The following ARHGAP24 variants were observed in gnomAD, a reference collection of about 807,000 sequenced individuals.
The protein encoded by ARHGAP24 is Rho GTPase activating protein 24.
A neutral mutation model predicts 76.4 loss-of-function variants in ARHGAP24; 50 were observed. The ratio of observed to expected loss-of-function variants is 0.65; its 90% CI spans 0.52 to 0.83. The LOEUF (loss-of-function observed/expected upper bound fraction) is 0.83, where lower values mean the gene tolerates loss of function less well. ARHGAP24 is among the 40% of genes least tolerant of loss of function. ARHGAP24 has a pLI of 0.00. For missense variants in ARHGAP24, 930 were observed against 914.2 expected (o/e 1.02, Z -0.22); for synonymous variants, 345 against 323.3 (o/e 1.07, Z -0.72).
intron 1 of ARHGAP24, among the ~76,000 whole-genome samples, chr4:85,567,874 A>AT (rs1192671422): frequency 6.6e-6 from 1 of 152,158 alleles, no homozygotes; most frequent in African/African-American, 2.4e-5. Context: ...TAGTTGTGGC[A>AT]TTTTTTCCCT....
At chr4:85,846,701 A>T (rs1456423247) in intron 3 of ARHGAP24, among the ~76,000 whole-genome samples, 2 of 152,216 alleles carry the variant, frequency 1.3e-5, no homozygotes, top group Non-Finnish European at 2.9e-5. Context: ...TACTGTTTTC[A>T]TCACCATGCC....
intron 3 of ARHGAP24, among the ~76,000 whole-genome samples, chr4:85,818,670 A>G (rs2110120950): frequency 6.6e-6 from 1 of 152,344 alleles, no homozygotes; most frequent in Admixed American, 6.5e-5. Context: ...TGCTGACCAC[A>G]ACAGTCAGGA....
chr4:85,547,987 T>C (rs1725985161), intron 1 of ARHGAP24, among the ~76,000 whole-genome samples: 1 of 152,228 alleles, frequency 6.6e-6, no homozygotes, highest in South Asian at 2.1e-4. Flanking sequence ...TATTTATTTG[T>C]TTATTTATGA....
At chr4:85,645,921 T>A (rs774392428) in intron 2 of ARHGAP24, among the ~76,000 whole-genome samples, 9 of 152,100 alleles carry the variant, frequency 5.9e-5, no homozygotes, top group Non-Finnish European at 1.3e-4. Context: ...TGATACAATA[T>A]GTATCAAATC....
chr4:85,878,438 C>A (rs1346655074), intron 3 of ARHGAP24, among the ~76,000 whole-genome samples: 2 of 152,068 alleles, frequency 1.3e-5, no homozygotes, highest in Non-Finnish European at 2.9e-5. Flanking sequence ...TTTAGTGTTA[C>A]AATTAATATC....
intron 1 of ARHGAP24, among the ~76,000 whole-genome samples, chr4:85,515,060 A>T (rs1724442501): frequency 6.6e-6 from 1 of 152,094 alleles, no homozygotes; most frequent in African/African-American, 2.4e-5. Flanking sequence ...CTGAGAGAGT[A>T]CGTAGAATAT....
chr4:85,912,881 T>A (rs1404586287), intron 3 of ARHGAP24, among the ~76,000 whole-genome samples: 1 of 152,188 alleles, frequency 6.6e-6, no homozygotes, highest in Non-Finnish European at 1.5e-5. Context: ...AATTCTTTTC[T>A]AGATGTTTTC....
rs557549510 is a variant in ARHGAP24, at chr4:85,662,417, T to G, written c.181-59468T>G. Among the ~76,000 whole-genome samples the G allele has an allele frequency of 3.3e-5, 5 of 150,952 alleles. 1 individual carries two copies. Among genetic ancestry groups the G allele is most frequent in the African/African-American group, 9.9e-5 (4 of 40,262 alleles). On this transcript the variant is annotated intron_variant, in intron 2 of 9. Transcript: ENST00000395184. ...AGTTCATTGTAGATTTTGGATATTA[T>G]CCCTTTGTCAGATGAGTTCGTTGCG... is the stretch of plus-strand genomic sequence containing the variant.
intron 2 of ARHGAP24, among the ~76,000 whole-genome samples, chr4:85,707,596 AT>A (rs1450900668): frequency 3.3e-5 from 5 of 152,046 alleles, no homozygotes; most frequent in Admixed American, 6.6e-5. Flanking sequence ...TCCCTTATAG[AT>A]TTTTTATTTT....
chr4:85,969,969 T>G (rs1356104710), intron 5 of ARHGAP24, among the ~76,000 whole-genome samples: 1 of 152,236 alleles, frequency 6.6e-6, no homozygotes, highest in African/African-American at 2.4e-5. Context: ...TTTATTTAAT[T>G]ATCAAGAAAA....
intron 2 of ARHGAP24, among the ~76,000 whole-genome samples, chr4:85,591,186 A>G (rs1728092019): frequency 6.6e-6 from 1 of 151,864 alleles, no homozygotes; most frequent in South Asian, 2.1e-4. Context: ...CTGGGACTAC[A>G]GGCATGGCGC....
intron 2 of ARHGAP24, among the ~76,000 whole-genome samples, chr4:85,680,824 A>G (rs1374038378): frequency 6.7e-6 from 1 of 150,320 alleles, no homozygotes; most frequent in African/African-American, 2.4e-5. Flanking sequence ...CACTACATAT[A>G]TCATGAGTTA....
chr4:85,638,470 A>T (rs1031420248), intron 2 of ARHGAP24, among the ~76,000 whole-genome samples: 1 of 152,148 alleles, frequency 6.6e-6, no homozygotes, highest in African/African-American at 2.4e-5. Context: ...TCCAATGGTT[A>T]TGGGAAGAGA....
intron 1 of ARHGAP24, among the ~76,000 whole-genome samples, chr4:85,513,438 A>G (rs62315598): frequency 0.017 from 2,604 of 152,152 alleles, 44 homozygotes; most frequent in Non-Finnish European, 0.028. Flanking sequence ...GTTAACCATA[A>G]TTTTTATCCT....
At chr4:85,974,009 A>ATTTTTTTTTTTT in intron 6 of ARHGAP24, among the ~76,000 whole-genome samples, 1 of 127,120 alleles carries the variant, frequency 7.9e-6, no homozygotes, top group Non-Finnish European at 1.6e-5. Context: ...AGCCTGGCTA[A>ATTTTTTTTTTTT]TTTTTTTTTT....
chr4:85,591,004 G>A lies in ARHGAP24; in HGVS notation c.180+20283G>A, dbSNP rs188150424. Among the ~76,000 whole-genome samples, 44 of 141,024 alleles carry A rather than the reference G, an allele frequency of 3.1e-4. No individual in the cohort carries two copies. The East Asian group carries it at 7.8e-3, about 25-fold the overall frequency. 92.5% of individuals were successfully genotyped at this position (141,024 alleles called of 152,430 possible). A position where few individuals can be genotyped will look rare whatever the true frequency, so the allele number is the denominator to read the frequency against. On this transcript the variant is annotated intron_variant, in intron 2 of 9. Coordinates refer to ENST00000395184, the MANE Select transcript of ARHGAP24 (RefSeq NM_001025616.3). ...AAATTATTTATAATGCCTTTCCCAT[G>A]CAGCACTAACCTGTAAAATCTGCTG...
chr4:85,592,527 A>T (rs1578062331), intron 2 of ARHGAP24, among the ~76,000 whole-genome samples: 1 of 152,230 alleles, frequency 6.6e-6, no homozygotes, highest in African/African-American at 2.4e-5. Flanking sequence ...TTTACAGTTA[A>T]ATTATTATTG....
intron 2 of ARHGAP24, among the ~76,000 whole-genome samples, chr4:85,699,465 G>A (rs1723987717): frequency 6.6e-6 from 1 of 152,044 alleles, no homozygotes; most frequent in Non-Finnish European, 1.5e-5. Context: ...AGCCAGATGT[G>A]GTGGTGCCTG....
rs542080069 is a variant in ARHGAP24, at chr4:86,000,378, T to G, written c.2004-101T>G. On this transcript the variant is annotated intron_variant, in intron 9 of 9. Transcript: ENST00000395184. The stretch of plus-strand genomic sequence containing the variant: ...CAATTTCCTAAGCATCATAAAGAGT[T>G]TAGAAAATATTTGTATGTCTCTTGC... 97 of 928,320 alleles carry G rather than the reference T, an allele frequency of 1.0e-4. No individual in the cohort carries two copies. In the African/African-American group the frequency reaches 1.5e-3, roughly 14 times the overall value. 57.5% of individuals were successfully genotyped at this position (928,320 alleles called of 1,614,324 possible).
Sources: allele counts gnomAD v4.1 joint callset (sites outside exome capture counted in the v4.1 genomes callset), GRCh38; gene constraint gnomAD v4.1.1; transcripts MANE v1.5; gene names NCBI Gene and HGNC (gene_info 2026-07-23, HGNC 2026-07-21).